ADAMTSL3: variants seen among roughly 807,000 people sequenced by gnomAD.
The protein encoded by ADAMTSL3 is ADAMTS like 3, also known as ADAMTS-like protein 3.
Under a neutral mutation model 201.7 loss-of-function variants are expected in ADAMTSL3, and 128 were observed. The observed-to-expected ratio is 0.63, with a 90% CI of 0.55 to 0.73. The LOEUF is 0.73. Among genes scored for constraint, ADAMTSL3 ranks in the 30% least tolerant of loss-of-function variants. The pLI is 0.00. For missense variants in ADAMTSL3, 1,990 were observed against 2,119.6 expected, an observed-to-expected ratio of 0.94 and a Z score of 1.20; for synonymous variants, 738 against 748.4, an observed-to-expected ratio of 0.99 and a Z score of 0.23.
chr15:83,673,715 A>C (rs144823666), intron 2 of ADAMTSL3, among the ~76,000 whole-genome samples: 31 of 152,324 alleles, frequency 2.0e-4, no homozygotes, highest in Non-Finnish European at 4.0e-4. Flanking sequence ...GTACTCACTG[A>C]CCTCAGAGCT....
chr15:83,693,335 C>A (rs189435264), intron 2 of ADAMTSL3, among the ~76,000 whole-genome samples: 281 of 152,276 alleles, frequency 1.8e-3, no homozygotes, highest in South Asian at 2.5e-3. Flanking sequence ...ATGGCAGAGG[C>A]CCCCACTGGT....
intron 13 of ADAMTSL3, 82 bp from the exon 14 acceptor site, chr15:83,897,776 G>T: frequency 2.8e-6 from 4 of 1,436,620 alleles, no homozygotes; most frequent in East Asian, 2.3e-5. Flanking sequence ...GTAGTTCAAT[G>T]GCTCTCCTTT....
At chr15:83,658,063 T>TG (rs1235579279) in intron 2 of ADAMTSL3, among the ~76,000 whole-genome samples, 1 of 152,232 alleles carries the variant, frequency 6.6e-6, no homozygotes, top group African/African-American at 2.4e-5. Context: ...GGCTGAGCTG[T>TG]GAGGAGCAAG....
At chr15:83,940,819 A>T (rs2066545116) in intron 17 of ADAMTSL3, among the ~76,000 whole-genome samples, 1 of 152,164 alleles carries the variant, frequency 6.6e-6, no homozygotes, top group Non-Finnish European at 1.5e-5. Flanking sequence ...TGCATAAAAT[A>T]AAATATTTTC....
intron 5 of ADAMTSL3, among the ~76,000 whole-genome samples, chr15:83,806,544 A>T (rs1399090997): frequency 6.6e-6 from 1 of 152,222 alleles, no homozygotes; most frequent in African/African-American, 2.4e-5. Context: ...AATTCAGCAG[A>T]TGCACAGATA....
intron 7 of ADAMTSL3, among the ~76,000 whole-genome samples, chr15:83,838,917 G>A (rs2064324846): frequency 1.3e-5 from 2 of 152,150 alleles, no homozygotes; most frequent in African/African-American, 2.4e-5. Flanking sequence ...ACTCAACACA[G>A]CTGTTGCAGT....
chr15:83,763,860 T>C (rs2062851276), intron 3 of ADAMTSL3, among the ~76,000 whole-genome samples: 1 of 152,202 alleles, frequency 6.6e-6, no homozygotes, highest in Admixed American at 6.5e-5. Flanking sequence ...CATTGTTAAA[T>C]AACTCAGACC....
chr15:83,657,392 G>A (rs889250903), intron 2 of ADAMTSL3, among the ~76,000 whole-genome samples: 1 of 152,176 alleles, frequency 6.6e-6, no homozygotes, highest in South Asian at 2.1e-4. Context: ...CAGGCAGTGT[G>A]CATAGAAGGT....
chr15:83,699,596 CTCT>C, intron 2 of ADAMTSL3, among the ~76,000 whole-genome samples: 1 of 152,336 alleles, frequency 6.6e-6, no homozygotes, highest in African/African-American at 2.4e-5. Flanking sequence ...TGTTTAAATA[CTCT>C]TCTATTGTTC....
intron 2 of ADAMTSL3, among the ~76,000 whole-genome samples, chr15:83,673,048 A>G (rs73452646): frequency 0.092 from 13,967 of 152,284 alleles, 2,115 homozygotes; most frequent in African/African-American, 0.31. Context: ...TTCCATTGTC[A>G]GAGCCAGGAA....
chr15:83,880,040 G>C (rs1332628892), intron 9 of ADAMTSL3, among the ~76,000 whole-genome samples: 1 of 151,976 alleles, frequency 6.6e-6, no homozygotes, highest in Non-Finnish European at 1.5e-5. Flanking sequence ...AAAGTAATTT[G>C]TCCTTTTTCT....
At chr15:83,998,757 G>A (rs1037842431) in intron 23 of ADAMTSL3, among the ~76,000 whole-genome samples, 7 of 152,118 alleles carry the variant, frequency 4.6e-5, no homozygotes, top group African/African-American at 1.7e-4. Flanking sequence ...CCTCCAAAAA[G>A]GGATGAAGAA....
intron 27 of ADAMTSL3, 119 bp downstream of exon 27, chr15:84,025,555 T>C: frequency 2.2e-6 from 2 of 924,556 alleles, no homozygotes; most frequent in Non-Finnish European, 3.2e-6. Flanking sequence ...CTGACTGGTC[T>C]CTGAAATGAA....
chr15:83,824,405 G>A (rs778908532), intron 6 of ADAMTSL3, among the ~76,000 whole-genome samples: 7 of 151,974 alleles, frequency 4.6e-5, no homozygotes, highest in East Asian at 1.9e-4. Context: ...TTCCTTAAAC[G>A]CACAGCCTCC....
At position 83,929,309 on chromosome 15, in the gene ADAMTSL3, C is replaced by T. The variant is rs551680680; in HGVS notation, c.2117+5276C>T. On this transcript the variant is annotated intron_variant, in intron 17 of 29. Coordinates refer to ENST00000286744, the MANE Select transcript of ADAMTSL3 (RefSeq NM_207517.3). Reference sequence around the variant, plus strand: ...CAGAAGTCCAAAATTAAGGTGTCCGCGGCGTTGATTCTTTCTTAGAGCTGT... The same window carrying T: ...CAGAAGTCCAAAATTAAGGTGTCCGTGGCGTTGATTCTTTCTTAGAGCTGT... 1.6e-4 allele frequency among the ~76,000 whole-genome samples: 25 copies of T among 152,264 alleles called. 1 individual carries two copies. Among genetic ancestry groups the T allele is most frequent in the East Asian group, 3.9e-4 (2 of 5,182 alleles).
At chr15:83,871,071 G>A (rs1383779213) in intron 9 of ADAMTSL3, 112 bp downstream of exon 9, 14 of 1,201,464 alleles carry the variant, frequency 1.2e-5, no homozygotes, top group Middle Eastern at 2.1e-4. Flanking sequence ...TTTATACAGA[G>A]CATGTGTCAT....
At chr15:83,904,120 T>TC (rs2065789585) in intron 15 of ADAMTSL3, among the ~76,000 whole-genome samples, 1 of 151,266 alleles carries the variant, frequency 6.6e-6, no homozygotes, top group African/African-American at 2.4e-5. Flanking sequence ...CACCCTTTCT[T>TC]CCCCCGTGTT....
At position 83,870,824 on chromosome 15, in the gene ADAMTSL3, A is replaced by G. The variant is rs1162952875; in HGVS notation, c.825A>G (p.Gln275=). Residue 275 remains glutamine, a synonymous_variant, in exon 9 of 30, where the codon CAA becomes CAG. Transcript: ENST00000286744. ...AHLFIESKTL[Q]GSKGEHSFNS... ...TAGTTATTGAATCAAAAACACTTCA[A>G]GGAAGCAAAGGAGAACACAGCTTTA... is the stretch of plus-strand genomic sequence containing the variant. 1.9e-6 allele frequency: 3 copies of G among 1,596,424 alleles called. No homozygotes were observed. Among genetic ancestry groups the G allele is most frequent in the East Asian group, 2.2e-5 (1 of 44,734 alleles).
chr15:83,933,946 A>G (rs1273920852), intron 17 of ADAMTSL3, among the ~76,000 whole-genome samples: 1 of 152,236 alleles, frequency 6.6e-6, no homozygotes, highest in Admixed American at 6.5e-5. Context: ...ATGTCCAGGC[A>G]GAAGTTTGCT....
Sources: gnomAD v4.1 joint callset for allele counts (sites outside exome capture counted in the v4.1 genomes callset) on GRCh38, gnomAD v4.1.1 for gene constraint, MANE v1.5 for transcripts, NCBI Gene and HGNC (gene_info 2026-07-23, HGNC 2026-07-21) for gene names.